The following CDHR1 variants were observed in gnomAD, a reference collection of about 807,000 sequenced individuals.
CDHR1 encodes the protein cadherin-related family member 1.
In CDHR1, 61 loss-of-function variants were observed where a neutral mutation model predicts 72.1. The observed-to-expected ratio is 0.85, with a 90% CI of 0.69 to 1.05. The LOEUF is 1.05. Ranked by LOEUF, CDHR1 falls within the 50% of genes least tolerant of loss-of-function variation. CDHR1 has a pLI of 0.00. For synonymous variants in CDHR1, 470 were observed against 448.1 expected (o/e 1.05, Z -0.62); for missense variants, 1,186 against 1,115.7 (o/e 1.06, Z -0.90).
intron 7 of CDHR1, 74 bp downstream of exon 7, chr10:84,201,994 G>T: frequency 8.8e-7 from 1 of 1,131,754 alleles, no homozygotes. Flanking sequence ...GTTCTACAGG[G>T]GAGTGGGAGC....
intron 8 of CDHR1, among the ~76,000 whole-genome samples, chr10:84,203,965 A>C (rs1275276303): frequency 6.6e-6 from 1 of 152,138 alleles, no homozygotes; most frequent in Non-Finnish European, 1.5e-5. Context: ...TTGACCAGAG[A>C]GAAAGGCTTG....
rs770903718 is a variant in CDHR1, at chr10:84,195,606, C to A, written c.151+17C>A. The A allele has an allele frequency of 9.2e-5, 148 of 1,603,872 alleles. 3 individuals are homozygous for A. In the South Asian group the frequency reaches 1.6e-3, roughly 17 times the overall value. ...CCCCTGTAGGTGAGTAGCCCTGGCA[C>A]CTGCTCCCGATAGGTCTCCCTGAGG... On this transcript the variant is annotated intron_variant, in intron 2 of 16. Transcript: ENST00000623527.
intron 8 of CDHR1, among the ~76,000 whole-genome samples, chr10:84,204,046 C>T (rs1444305432): frequency 6.6e-6 from 1 of 152,188 alleles, no homozygotes; most frequent in African/African-American, 2.4e-5. Context: ...CAGCCCTACG[C>T]CCAAACCCTT....
chr10:84,196,756 G>A, intron 3 of CDHR1, 106 bp downstream of exon 3: 1 of 1,300,738 alleles, frequency 7.7e-7, no homozygotes, highest in Non-Finnish European at 1.1e-6. Context: ...CACAGAGTAG[G>A]GGATGAGGGG....
At position 84,200,567 on chromosome 10, in the gene CDHR1, C is replaced by T; in HGVS notation, c.439-34C>T. 2.0e-6 allele frequency: 3 copies of T among 1,505,390 alleles called. No individual in the cohort carries two copies. The East Asian group carries it at 6.9e-5, about 35-fold the overall frequency. The allele number at this position is 1,505,390 out of a possible 1,614,324, so 93.3% of individuals were successfully genotyped here. ...GTCCCCCTGAGAATGCTGTCACTGT[C>T]TCTGACCCTCCCCTGTGGCTGTGAC... On this transcript the variant is annotated intron_variant, in intron 5 of 16. Coordinates refer to ENST00000623527, the MANE Select transcript of CDHR1 (RefSeq NM_033100.4).
intron 6 of CDHR1, among the ~76,000 whole-genome samples, chr10:84,201,324 C>T (rs1842121074): frequency 6.6e-6 from 1 of 152,186 alleles, no homozygotes; most frequent in South Asian, 2.1e-4. Context: ...GGCCGGTGCT[C>T]CCTGCCTGCC....
rs1351301065 is a variant in CDHR1, at chr10:84,197,969, G to C, written c.348+133G>C. On this transcript the variant is annotated intron_variant, in intron 4 of 16. Transcript: ENST00000623527. The stretch of plus-strand genomic sequence containing the variant: ...TTTAAGCTAGGGCCCAGCAAGACCT[G>C]CCCAAAGTGCCCACAGGAGAGGGCT... 1.5e-5 allele frequency: 12 copies of C among 807,882 alleles called. No homozygotes were observed. In the African/African-American group the frequency reaches 2.0e-4, roughly 14 times the overall value. 50.0% of individuals were successfully genotyped at this position (807,882 alleles called of 1,614,324 possible). A position where few individuals can be genotyped will look rare whatever the true frequency, so the allele number is the denominator to read the frequency against.
intron 7 of CDHR1, among the ~76,000 whole-genome samples, chr10:84,202,400 C>T (rs1413811640): frequency 6.6e-6 from 1 of 152,220 alleles, no homozygotes; most frequent in Non-Finnish European, 1.5e-5. Flanking sequence ...CCCACCAAAG[C>T]TTCTTCCCCC....
intron 8 of CDHR1, 104 bp downstream of exon 8, chr10:84,203,227 T>C: frequency 6.7e-7 from 1 of 1,484,342 alleles, no homozygotes; most frequent in Non-Finnish European, 9.3e-7. Context: ...CTGGTCCCGG[T>C]TGCCCTCCTC....
rs1204427995 is a variant in CDHR1 at position 84,217,335 on chromosome 10, C to T, written c.*2714C>T. 3.0e-6 allele frequency: 3 copies of T among 985,286 alleles called. No individual in the cohort carries two copies. Among genetic ancestry groups the T allele is most frequent in the Non-Finnish European group, 3.6e-6 (3 of 829,806 alleles). The allele number at this position is 985,286 out of a possible 1,614,324, so 61.0% of individuals were successfully genotyped here. On this transcript the variant is annotated 3_prime_UTR_variant, in exon 17 of 17. Transcript: ENST00000623527. ...CCTGGCCCTGAGAATGGAGCTGTAG[C>T]CTCATGGACAATAAATGGATGTGAC...
rs945470695 is a variant in CDHR1 at position 84,213,150 on chromosome 10, A to G, written c.1842A>G (p.Ala614=). The G allele has an allele frequency of 6.2e-7, 1 of 1,614,234 alleles. No individual in the cohort carries two copies. Among genetic ancestry groups the G allele is most frequent in the Non-Finnish European group, 8.5e-7 (1 of 1,180,040 alleles). Residue 614 remains alanine, a synonymous_variant, in exon 16 of 17, where the codon GCA becomes GCG. Coordinates refer to ENST00000623527, the MANE Select transcript of CDHR1 (RefSeq NM_033100.4). ...NNLVDYSITH[A]EPANVFDINS... ...TGGTGGACTATTCCATCACCCATGCAGAGCCCGCCAACGTGTTCGACATCA... is the reference window on the plus strand; with the variant it reads ...TGGTGGACTATTCCATCACCCATGCGGAGCCCGCCAACGTGTTCGACATCA...
intron 7 of CDHR1, 36 bp downstream of exon 7, chr10:84,201,956 C>T: frequency 6.6e-7 from 1 of 1,519,074 alleles, no homozygotes; most frequent in Non-Finnish European, 9.0e-7. Context: ...CCAGTGTCTC[C>T]TCAGCCCTTG....
Position 84,216,944 on chromosome 10 carries a change from G to A in CDHR1, c.*2323G>A. On this transcript the variant is annotated 3_prime_UTR_variant, in exon 17 of 17. Transcript: ENST00000623527. ...CGTCCTAAAGACCTCTAGGCTGGAA[G>A]CTTGGGCTTGCAAGTGGATCCGGGA... 1.0e-6 allele frequency: 1 copy of A among 985,494 alleles called. No homozygotes were observed. Among genetic ancestry groups the A allele is most frequent in the Non-Finnish European group, 1.2e-6 (1 of 829,958 alleles). The allele number at this position is 985,494 out of a possible 1,614,324, so 61.0% of individuals were successfully genotyped here. A position where few individuals can be genotyped will look rare whatever the true frequency, so the allele number is the denominator to read the frequency against.
chr10:84,197,327 T>C lies in CDHR1; in HGVS notation c.298-459T>C, dbSNP rs1361779217. 2.0e-5 allele frequency among the ~76,000 whole-genome samples: 3 copies of C among 152,206 alleles called. No individual in the cohort carries two copies. The East Asian group carries it at 5.8e-4, about 29-fold the overall frequency. The stretch of plus-strand genomic sequence containing the variant: ...CGGGATCTGGCAACATCCGATACCC[T>C]TCCCCATTGAGGTCTCACCATATCC... On this transcript the variant is annotated intron_variant, in intron 3 of 16. Coordinates refer to ENST00000623527, the MANE Select transcript of CDHR1 (RefSeq NM_033100.4).
At chr10:84,204,707 A>G (rs1339056832) in intron 9 of CDHR1, 102 bp downstream of exon 9, 1 of 807,466 alleles carries the variant, frequency 1.2e-6, no homozygotes, top group Non-Finnish European at 2.2e-6. Context: ...CTGTAGGACC[A>G]GGATTACAAG....
intron 2 of CDHR1, 50 bp from the exon 3 acceptor site, chr10:84,196,455 G>A (rs1051100961): frequency 1.2e-6 from 2 of 1,608,584 alleles, no homozygotes; most frequent in Non-Finnish European, 8.5e-7. Flanking sequence ...GCCACTTTTA[G>A]GAAAAGTTGG....
downstream of CDHR1, chr10:84,219,332 CTA>C (rs1842474223): frequency 1.3e-6 from 2 of 1,540,856 alleles, no homozygotes; most frequent in Non-Finnish European, 1.8e-6. Context: ...CCCTAAATTT[CTA>C]TGTTTACAGA....
Position 84,194,767 on chromosome 10 carries a change from C to T in CDHR1, c.7C>T (p.Arg3Cys), listed in dbSNP as rs1841996352. Residue 3 changes from arginine (R) to cysteine (C), a missense_variant, in exon 1 of 17, where the codon CGC (arginine) becomes TGC (cysteine). Arg to Cys is a radical substitution (Grantham distance 180, BLOSUM62 -3). Transcript: ENST00000623527. ...ACTCCGCGCCGGCGGAGACATGAGG[C>T]GCTGCCGGTGGGCCGCCCTGGCCCT... is the stretch of plus-strand genomic sequence containing the variant. MR[R>C]CRWAALALGL... The T allele has an allele frequency of 6.6e-7, 1 of 1,521,422 alleles. No individual in the cohort carries two copies. Among genetic ancestry groups the T allele is most frequent in the Non-Finnish European group, 8.8e-7 (1 of 1,141,058 alleles). The allele number at this position is 1,521,422 out of a possible 1,614,324, so 94.2% of individuals were successfully genotyped here.
rs1841992907 is a variant in CDHR1 at position 84,194,612 on chromosome 10, G to T, written c.-149G>T. On this transcript the variant is annotated 5_prime_UTR_variant, in exon 1 of 17. Coordinates refer to ENST00000623527, the MANE Select transcript of CDHR1 (RefSeq NM_033100.4). ...TCCTCTTAGCGCCCTCACGCCACCCGCCGCTCCCGCCCCGTGCCCCCTCCC... is the reference window on the plus strand; with the variant it reads ...TCCTCTTAGCGCCCTCACGCCACCCTCCGCTCCCGCCCCGTGCCCCCTCCC... The T allele has an allele frequency of 7.5e-6, 4 of 533,570 alleles. No homozygotes were observed. Among genetic ancestry groups the T allele is most frequent in the Non-Finnish European group, 1.2e-5 (4 of 325,120 alleles). The allele number at this position is 533,570 out of a possible 1,614,324, so 33.1% of individuals were successfully genotyped here. A position where few individuals can be genotyped will look rare whatever the true frequency, so the allele number is the denominator to read the frequency against.
Sources: allele counts gnomAD v4.1 joint callset (sites outside exome capture counted in the v4.1 genomes callset), GRCh38; gene constraint gnomAD v4.1.1; transcripts MANE v1.5; gene names NCBI Gene and HGNC (gene_info 2026-07-23, HGNC 2026-07-21).